The following RFPL1 variants were observed in gnomAD, a reference collection of about 807,000 sequenced individuals.
RFPL1 encodes the protein ret finger protein like 1, also known as ret finger protein-like 1.
RFPL1 carries 6 observed loss-of-function variants against 9.6 expected under a neutral mutation model. That is an observed-to-expected ratio of 0.62 (90% CI 0.34 to 1.23). The LOEUF is 1.23. Ranked by LOEUF, RFPL1 falls within the 50% of genes most tolerant of loss-of-function variation. The probability of loss-of-function intolerance (pLI) is 0.03; values close to 1 mark genes in which losing one functional copy is unlikely to be tolerated. For missense variants in RFPL1, 352 were observed against 398.4 expected (o/e 0.88, Z 0.99); for synonymous variants, 145 against 149.4 (o/e 0.97, Z 0.22).
At chr22:29,410,404 T>TAG in the RFPL1 span, among the ~76,000 whole-genome samples, 2 of 97,218 alleles carry the variant, frequency 2.1e-5, no homozygotes, top group African/African-American at 4.5e-5. Flanking sequence ...TGTAGATATA[T>TAG]ATCTATATAT....
At chr22:29,426,685 T>C in the RFPL1 span, among the ~76,000 whole-genome samples, 1 of 152,054 alleles carries the variant, frequency 6.6e-6, no homozygotes, top group Non-Finnish European at 1.5e-5. Flanking sequence ...GAGGCGGAGA[T>C]TGCGGTGAGC....
At chr22:29,417,020 G>A in the RFPL1 span, among the ~76,000 whole-genome samples, 1,092 of 152,188 alleles carry the variant, frequency 7.2e-3, 13 homozygotes, top group African/African-American at 0.025. Context: ...AGTCAAGGAC[G>A]TGTCAACATA....
chr22:29,423,376 T>C, the RFPL1 span, among the ~76,000 whole-genome samples: 5 of 147,622 alleles, frequency 3.4e-5, no homozygotes, highest in Non-Finnish European at 7.5e-5. Flanking sequence ...CTGAGGAATC[T>C]ATCAACTTTT....
At chr22:29,422,547 G>C in the RFPL1 span, among the ~76,000 whole-genome samples, 2 of 152,054 alleles carry the variant, frequency 1.3e-5, no homozygotes, top group Non-Finnish European at 2.9e-5. Flanking sequence ...CATTGTACTC[G>C]TGCCTGGGCA....
the RFPL1 span, among the ~76,000 whole-genome samples, chr22:29,392,830 A>G: frequency 1.3e-5 from 2 of 152,192 alleles, no homozygotes; most frequent in Non-Finnish European, 2.9e-5. Context: ...CTTGGGGGGA[A>G]CTTCAACCCT....
At chr22:29,415,601 T>C in the RFPL1 span, among the ~76,000 whole-genome samples, 1 of 152,292 alleles carries the variant, frequency 6.6e-6, no homozygotes, top group African/African-American at 2.4e-5. Context: ...CCAAGAAATG[T>C]AGCAGGATGA....
the RFPL1 span, among the ~76,000 whole-genome samples, chr22:29,400,189 G>A: frequency 6.6e-6 from 1 of 151,816 alleles, no homozygotes; most frequent in African/African-American, 2.4e-5. Flanking sequence ...GTAGAGACGG[G>A]GTTTCACTGT....
chr22:29,438,611 T>C, exon 1 of RFPL1: 1 of 1,440,406 alleles, frequency 6.9e-7, no homozygotes, highest in South Asian at 1.5e-5. Context: ...GCTCAGTTGC[T>C]GGGTCACCAG....
chr22:29,415,446 G>A, the RFPL1 span, among the ~76,000 whole-genome samples: 1 of 152,320 alleles, frequency 6.6e-6, no homozygotes, highest in African/African-American at 2.4e-5. Context: ...GCACTGCTCT[G>A]ACGAGGCATT....
chr22:29,388,197 G>T, the RFPL1 span, among the ~76,000 whole-genome samples: 1 of 152,224 alleles, frequency 6.6e-6, no homozygotes, highest in African/African-American at 2.4e-5. Context: ...GAAGCCCCAG[G>T]AGGTGCTGCG....
chr22:29,408,537 C>T, the RFPL1 span, among the ~76,000 whole-genome samples: 9 of 152,140 alleles, frequency 5.9e-5, no homozygotes, highest in South Asian at 8.3e-4. Context: ...CTGCACACGG[C>T]GGTGTGGAGG....
chr22:29,431,653 A>T, the RFPL1 span, among the ~76,000 whole-genome samples: 3 of 152,070 alleles, frequency 2.0e-5, no homozygotes, highest in Admixed American at 6.5e-5. Context: ...TTTAATACAA[A>T]AAAGTTATTT....
the RFPL1 span, among the ~76,000 whole-genome samples, chr22:29,409,458 T>G: frequency 3.3e-5 from 5 of 152,238 alleles, no homozygotes; most frequent in South Asian, 1.0e-3. Flanking sequence ...AACAGCTCGG[T>G]CCAAGCTTGT....
At chr22:29,403,392 C>CT in the RFPL1 span, among the ~76,000 whole-genome samples, 11 of 152,114 alleles carry the variant, frequency 7.2e-5, no homozygotes, top group African/African-American at 2.7e-4. Flanking sequence ...AGAATATGGA[C>CT]TTTAGTTGAG....
chr22:29,434,831 T>A (rs1017063999), upstream of RFPL1: 1 of 152,230 alleles, frequency 6.6e-6, no homozygotes, highest in African/African-American at 2.4e-5. Context: ...GATTTCCTTT[T>A]ATAACATTAA....
the RFPL1 span, among the ~76,000 whole-genome samples, chr22:29,412,563 C>T: frequency 1.3e-5 from 2 of 152,012 alleles, no homozygotes; most frequent in East Asian, 3.9e-4. Context: ...GGGGTCTTCC[C>T]ACAGATGGAT....
the RFPL1 span, among the ~76,000 whole-genome samples, chr22:29,410,446 ATATATAGATATATATAT>A: frequency 7.4e-5 from 7 of 94,094 alleles, no homozygotes; most frequent in Non-Finnish European, 1.3e-4. Flanking sequence ...ATATATATCT[ATATATAGATATATATAT>A]CTATATATAG....
the RFPL1 span, among the ~76,000 whole-genome samples, chr22:29,426,827 G>T: frequency 5.3e-5 from 8 of 152,174 alleles, no homozygotes; most frequent in Non-Finnish European, 8.8e-5. Context: ...TGTCCTGTCA[G>T]TTTTCTGTAA....
upstream of RFPL1, chr22:29,436,438 A>C (rs947107978): frequency 6.9e-6 from 1 of 145,186 alleles, no homozygotes; most frequent in African/African-American, 2.5e-5. Flanking sequence ...TAAAAATACA[A>C]AAAAAAAAAA....
Sources: gnomAD v4.1 joint callset for allele counts (sites outside exome capture counted in the v4.1 genomes callset) on GRCh38, gnomAD v4.1.1 for gene constraint, MANE v1.5 for transcripts, NCBI Gene and HGNC (gene_info 2026-07-23, HGNC 2026-07-21) for gene names.